GLB1: variants seen among roughly 807,000 people sequenced by gnomAD.
GLB1 encodes the protein galactosidase beta 1, also known as beta-galactosidase.
In GLB1, 56 loss-of-function variants were observed where a neutral mutation model predicts 74.0. The ratio of observed to expected loss-of-function variants is 0.76; its 90% CI spans 0.61 to 0.94. GLB1 has a LOEUF of 0.94. GLB1 is among the 40% of genes least tolerant of loss of function. GLB1 has a pLI of 0.00. For missense variants in GLB1, 787 were observed against 845.5 expected, an observed-to-expected ratio of 0.93 and a Z score of 0.86; for synonymous variants, 323 against 323.6, an observed-to-expected ratio of 1.00 and a Z score of 0.02.
At chr3:33,046,060 G>GT in intron 10 of GLB1, 60 bp downstream of exon 10, 1 of 1,581,440 alleles carries the variant, frequency 6.3e-7, no homozygotes, top group Non-Finnish European at 8.6e-7. Flanking sequence ...CAGAGCCACA[G>GT]TGAGTTCAAA....
the GLB1 span, among the ~76,000 whole-genome samples, chr3:32,971,326 A>G: frequency 6.6e-6 from 1 of 152,350 alleles, no homozygotes; most frequent in East Asian, 1.9e-4. Context: ...CAAAAAGACT[A>G]GAAGGACTCA....
At chr3:33,051,657 CA>C in intron 9 of GLB1, 100 bp downstream of exon 9, 3 of 1,428,654 alleles carry the variant, frequency 2.1e-6, no homozygotes, top group Admixed American at 1.9e-5. Flanking sequence ...AGAGGATAAA[CA>C]AAAAAAGGAA....
At chr3:33,085,906 T>C (rs1575491058) in intron 1 of GLB1, among the ~76,000 whole-genome samples, 1 of 132,304 alleles carries the variant, frequency 7.6e-6, no homozygotes, top group Non-Finnish European at 1.6e-5. Context: ...ACTCTGTCTC[T>C]ACCAAAAAAA....
chr3:33,084,825 T>C (rs1376044967), intron 1 of GLB1, among the ~76,000 whole-genome samples: 1 of 152,220 alleles, frequency 6.6e-6, no homozygotes, highest in Non-Finnish European at 1.5e-5. Context: ...AAATACAGCT[T>C]AAACTGCATT....
Position 33,068,252 on chromosome 3 carries a change from A to G in GLB1, c.435T>C (p.Ile145=), listed in dbSNP as rs377462384. The G allele has an allele frequency of 1.2e-6, 2 of 1,613,970 alleles. No individual in the cohort carries two copies. The highest frequency in any genetic ancestry group is 2.7e-5 in the African/African-American group (2 of 74,942). Residue 145 remains isoleucine, a synonymous_variant, in exon 4 of 16, where the codon ATT becomes ATC. Coordinates refer to ENST00000307363, the MANE Select transcript of GLB1 (RefSeq NM_000404.4). ...LPAWLLEKES[I]LLRSSDPDYL... ...TACCTGGGTCGGAGGAGCGGAGAAG[A>G]ATAGACTCTTTCTCTAGCAGCCAAG...
intron 9 of GLB1, among the ~76,000 whole-genome samples, chr3:33,047,645 A>G (rs1206221569): frequency 6.6e-6 from 1 of 152,224 alleles, no homozygotes; most frequent in African/African-American, 2.4e-5. Flanking sequence ...TAGTTTACCT[A>G]GGATTAGTAA....
intron 1 of GLB1, among the ~76,000 whole-genome samples, chr3:33,079,771 G>A (rs979425121): frequency 2.0e-4 from 31 of 152,128 alleles, no homozygotes; most frequent in East Asian, 9.6e-4. Flanking sequence ...AAAAGAGAAG[G>A]CAGAGGAGAG....
At chr3:33,030,912 A>AGAG (rs1697976587) in intron 10 of GLB1, 1 of 748,306 alleles carries the variant, frequency 1.3e-6, no homozygotes, top group Non-Finnish European at 1.6e-6. Context: ...TCAGTAGGGA[A>AGAG]GAGGAGGTCG....
chr3:33,052,447 C>G (rs1314026487), intron 7 of GLB1, among the ~76,000 whole-genome samples: 1 of 152,154 alleles, frequency 6.6e-6, no homozygotes, highest in Non-Finnish European at 1.5e-5. Context: ...TCCTGGCCAA[C>G]ATGGTGAAAC....
intron 1 of GLB1, among the ~76,000 whole-genome samples, chr3:33,073,927 G>C (rs1699986127): frequency 6.6e-6 from 1 of 151,736 alleles, no homozygotes; most frequent in African/African-American, 2.4e-5. Context: ...GGGAGGCTGA[G>C]GTGGGAGGAC....
chr3:33,054,943 C>T lies in GLB1; in HGVS notation c.734-1394G>A, dbSNP rs1460967773. Among the ~76,000 whole-genome samples the T allele has an allele frequency of 7.2e-5, 11 of 152,214 alleles. 2 individuals are homozygous for T. Among genetic ancestry groups the T allele is most frequent in the Admixed American group, 3.9e-4 (6 of 15,284 alleles). On this transcript the variant is annotated intron_variant, in intron 6 of 15. Coordinates refer to ENST00000307363, the MANE Select transcript of GLB1 (RefSeq NM_000404.4). ...CCCACAGCAGGTATCCCAGGGTGGA[C>T]GTGGCCCCAGCCAAGACCCTCTGAT...
chr3:33,096,674 G>A, intron 1 of GLB1: 1 of 1,141,912 alleles, frequency 8.8e-7, no homozygotes, highest in Non-Finnish European at 1.1e-6. Flanking sequence ...CGCGCAACTT[G>A]GAATCCCCTC....
chr3:33,019,194 C>T (rs569992165), intron 12 of GLB1, among the ~76,000 whole-genome samples: 20 of 152,034 alleles, frequency 1.3e-4, no homozygotes, highest in African/African-American at 4.8e-4. Context: ...AGTGGAGGAA[C>T]GGGGGAAAGA....
chr3:33,094,892 T>C (rs1700943016), intron 1 of GLB1, among the ~76,000 whole-genome samples: 1 of 152,240 alleles, frequency 6.6e-6, no homozygotes, highest in South Asian at 2.1e-4. Flanking sequence ...TGTAATGATG[T>C]AGTATTTCTT....
chr3:32,969,204 G>T, the GLB1 span, among the ~76,000 whole-genome samples: 2 of 152,214 alleles, frequency 1.3e-5, no homozygotes, highest in African/African-American at 2.4e-5. Flanking sequence ...CAGAGGTGCA[G>T]TCTTTGCCTA....
chr3:32,989,779 T>C, the GLB1 span, among the ~76,000 whole-genome samples: 3 of 152,172 alleles, frequency 2.0e-5, no homozygotes, highest in Non-Finnish European at 1.5e-5. Context: ...GAGACTTGGG[T>C]GTGAGTTTCA....
chr3:33,068,201 ATCT>A (rs1334074842), intron 4 of GLB1, 26 bp downstream of exon 4: 1 of 1,613,788 alleles, frequency 6.2e-7, no homozygotes, highest in African/African-American at 1.3e-5. Context: ...GCTTTTATAA[ATCT>A]TCTCAAGACA....
chr3:32,965,867 T>A, the GLB1 span, among the ~76,000 whole-genome samples: 5 of 152,364 alleles, frequency 3.3e-5, no homozygotes, highest in South Asian at 6.2e-4. Flanking sequence ...GGGCTGTGGC[T>A]TCAGAGAGTG....
At chr3:33,088,688 TA>T (rs1173010167) in intron 1 of GLB1, among the ~76,000 whole-genome samples, 1 of 152,196 alleles carries the variant, frequency 6.6e-6, no homozygotes, top group Non-Finnish European at 1.5e-5. Flanking sequence ...GGAAGGTTCA[TA>T]TTGTTAAGAT....
Sources: allele counts gnomAD v4.1 joint callset (sites outside exome capture counted in the v4.1 genomes callset), GRCh38; gene constraint gnomAD v4.1.1; transcripts MANE v1.5; gene names NCBI Gene and HGNC (gene_info 2026-07-23, HGNC 2026-07-21).